Variants in AGBL4 observed in about 807,000 individuals in gnomAD.
AGBL4 encodes the protein AGBL carboxypeptidase 4.
AGBL4 carries 58 observed loss-of-function variants against 66.4 expected under a neutral mutation model. The ratio of observed to expected loss-of-function variants is 0.87; its 90% confidence interval spans 0.71 to 1.09. The LOEUF (loss-of-function observed/expected upper bound fraction) is 1.09. Among genes scored for constraint, AGBL4 ranks in the 50% least tolerant of loss-of-function variants. AGBL4 has a pLI of 0.00. For synonymous variants in AGBL4, 234 were observed against 222.9 expected (o/e 1.05, Z -0.44); for missense variants, 579 against 631.0 (o/e 0.92, Z 0.88).
chr1:49,071,104 T>G (rs1274602919), intron 4 of AGBL4, among the ~76,000 whole-genome samples: 1 of 151,948 alleles, frequency 6.6e-6, no homozygotes, highest in Non-Finnish European at 1.5e-5. Flanking sequence ...CTTTATCATT[T>G]TTTATTGCAT....
chr1:48,817,873 T>G (rs1018404899), intron 6 of AGBL4: 1 of 607,738 alleles, frequency 1.6e-6, no homozygotes. Context: ...TTTTGTGTGC[T>G]TGCAGATGCA....
chr1:48,997,919 C>A (rs1661136109), intron 5 of AGBL4, among the ~76,000 whole-genome samples: 1 of 152,150 alleles, frequency 6.6e-6, no homozygotes, highest in Admixed American at 6.5e-5. Context: ...AAATAGATTG[C>A]AAATGCCTAT....
intron 5 of AGBL4, among the ~76,000 whole-genome samples, chr1:48,875,451 A>C (rs1200729835): frequency 6.6e-6 from 1 of 152,186 alleles, no homozygotes; most frequent in Non-Finnish European, 1.5e-5. Context: ...GCTGAAATAA[A>C]ATTCCACAAC....
intron 1 of AGBL4, among the ~76,000 whole-genome samples, chr1:49,946,904 A>T (rs984424158): frequency 1.3e-5 from 2 of 151,956 alleles, no homozygotes; most frequent in African/African-American, 2.4e-5. Context: ...AATACAAAAG[A>T]TCATTCAAGG....
At chr1:48,776,931 G>C (rs1055438757) in intron 6 of AGBL4, 26 of 618,988 alleles carry the variant, frequency 4.2e-5, no homozygotes, top group South Asian at 5.4e-5. Context: ...TACGGTGCTG[G>C]GGGGGGCGGG....
intron 6 of AGBL4, among the ~76,000 whole-genome samples, chr1:48,844,236 T>G (rs909532088): frequency 6.6e-6 from 1 of 152,142 alleles, no homozygotes; most frequent in Non-Finnish European, 1.5e-5. Context: ...AACCCACAGT[T>G]AATCAACATG....
At chr1:48,829,922 G>A (rs1428312501) in intron 6 of AGBL4, among the ~76,000 whole-genome samples, 1 of 152,002 alleles carries the variant, frequency 6.6e-6, no homozygotes, top group East Asian at 1.9e-4. Flanking sequence ...TGCAGTTAGG[G>A]GGCTGTCAGC....
chr1:49,963,408 CA>C (rs1657281402), intron 1 of AGBL4, among the ~76,000 whole-genome samples: 1 of 152,122 alleles, frequency 6.6e-6, no homozygotes, highest in Non-Finnish European at 1.5e-5. Flanking sequence ...ACCAGAGAAG[CA>C]AAACCTAACT....
chr1:49,310,646 G>A (rs1644926775), intron 3 of AGBL4, among the ~76,000 whole-genome samples: 1 of 151,934 alleles, frequency 6.6e-6, no homozygotes, highest in African/African-American at 2.4e-5. Flanking sequence ...GAAAGATTCT[G>A]GTCCTGTGGC....
At chr1:49,218,486 G>A (rs1002950039) in intron 4 of AGBL4, among the ~76,000 whole-genome samples, 1 of 152,136 alleles carries the variant, frequency 6.6e-6, no homozygotes, top group Non-Finnish European at 1.5e-5. Context: ...TCTCAGAGAA[G>A]TGAAGTAACT....
chr1:49,625,483 C>T (rs1481116665), intron 3 of AGBL4, among the ~76,000 whole-genome samples: 1 of 152,176 alleles, frequency 6.6e-6, no homozygotes, highest in Non-Finnish European at 1.5e-5. Context: ...TTAGCAAGTA[C>T]TGAAAGTAAA....
chr1:48,855,035 C>G lies in AGBL4; in HGVS notation c.634+12156G>C, dbSNP rs1449465817. On this transcript the variant is annotated intron_variant, in intron 6 of 13. Transcript: ENST00000371839. ...CTATTTTTGCTTAAGCTAATTTAGG[C>G]TTGGACTGAAGAATCCTACTTATAT... Among the ~76,000 whole-genome samples the G allele has an allele frequency of 8.5e-5, 13 of 152,274 alleles. No homozygotes were observed. The South Asian group carries it at 2.5e-3, about 29-fold the overall frequency.
At chr1:48,775,066 C>T (rs978431344) in intron 6 of AGBL4, among the ~76,000 whole-genome samples, 3 of 152,216 alleles carry the variant, frequency 2.0e-5, no homozygotes, top group African/African-American at 7.2e-5. Context: ...TCCTTTCCCT[C>T]AGGTAATTAA....
At chr1:49,757,888 A>C (rs2147854591) in intron 2 of AGBL4, among the ~76,000 whole-genome samples, 1 of 152,338 alleles carries the variant, frequency 6.6e-6, no homozygotes. Flanking sequence ...AATCTGTATA[A>C]GTAAAGAGGA....
intron 3 of AGBL4, among the ~76,000 whole-genome samples, chr1:49,343,004 A>G (rs966847994): frequency 2.6e-5 from 4 of 152,174 alleles, no homozygotes; most frequent in Non-Finnish European, 5.9e-5. Flanking sequence ...TTTGGTTAAA[A>G]GTCAGATTAA....
intron 12 of AGBL4, among the ~76,000 whole-genome samples, chr1:48,536,992 C>A (rs533465439): frequency 7.2e-5 from 11 of 152,266 alleles, no homozygotes; most frequent in Admixed American, 3.3e-4. Context: ...AGCGTGTGAG[C>A]AGAAAGTGAC....
chr1:49,398,335 C>T (rs970359347), intron 3 of AGBL4, among the ~76,000 whole-genome samples: 3 of 10,490 alleles, frequency 2.9e-4, no homozygotes, highest in African/African-American at 2.0e-3. Context: ...CTCTCTCTTT[C>T]TCTCTCTCTC....
intron 2 of AGBL4, among the ~76,000 whole-genome samples, chr1:49,805,100 T>C (rs987299665): frequency 1.3e-5 from 2 of 151,972 alleles, no homozygotes; most frequent in African/African-American, 4.8e-5. Context: ...TTATAGAAGA[T>C]AAAGAAATGA....
intron 3 of AGBL4, among the ~76,000 whole-genome samples, chr1:49,316,008 T>A (rs1160601188): frequency 6.6e-6 from 1 of 151,974 alleles, no homozygotes; most frequent in Non-Finnish European, 1.5e-5. Context: ...AGAGACAATC[T>A]GAAAAGGGTA....
Sources: gnomAD v4.1 joint callset for allele counts (sites outside exome capture counted in the v4.1 genomes callset) on GRCh38, gnomAD v4.1.1 for gene constraint, MANE v1.5 for transcripts, NCBI Gene and HGNC (gene_info 2026-07-23, HGNC 2026-07-21) for gene names.